Variants in TEKT3 observed in about 807,000 individuals in gnomAD.
TEKT3 encodes tektin-3.
In TEKT3, 49 loss-of-function variants were observed where a neutral mutation model predicts 49.8. The ratio of observed to expected loss-of-function variants is 0.98; its 90% confidence interval spans 0.78 to 1.25. The LOEUF is 1.25. Among genes scored for constraint, TEKT3 ranks in the 50% most tolerant of loss-of-function variants. TEKT3 has a pLI of 0.00. For missense variants in TEKT3, 595 were observed against 629.5 expected, an observed-to-expected ratio of 0.95 and a Z score of 0.59; for synonymous variants, 225 against 237.2, an observed-to-expected ratio of 0.95 and a Z score of 0.47.
intron 6 of TEKT3, among the ~76,000 whole-genome samples, chr17:15,312,972 G>T (rs1910835546): frequency 1.3e-5 from 2 of 152,192 alleles, no homozygotes; most frequent in Admixed American, 1.3e-4. Context: ...TTCCTGGAGG[G>T]TAAAGAGGCA....
At chr17:15,326,509 G>A (rs1402501637) in intron 4 of TEKT3, among the ~76,000 whole-genome samples, 1 of 152,144 alleles carries the variant, frequency 6.6e-6, no homozygotes, top group Non-Finnish European at 1.5e-5. Context: ...GGGAAGGAAA[G>A]GTGCTTTGGA....
chr17:15,319,159 G>C lies in TEKT3; in HGVS notation c.664-12C>G. 6.3e-7 allele frequency: 1 copy of C among 1,579,080 alleles called. No homozygotes were observed. Among genetic ancestry groups the C allele is most frequent in the Non-Finnish European group, 8.6e-7 (1 of 1,163,368 alleles). On this transcript the variant is annotated splice_polypyrimidine_tract_variant and intron_variant, in intron 4 of 8. Coordinates refer to ENST00000395930, the MANE Select transcript of TEKT3 (RefSeq NM_031898.3). ...ATAGTATCAACTTCCTACTCAATTG[G>C]AAAAAAAACATATTAATGTTTTCAT...
At position 15,308,650 on chromosome 17, in the gene TEKT3, C is replaced by G. The variant is rs199583716; in HGVS notation, c.1256+14G>C. Reference sequence around the variant, plus strand: ...CCCTCCGAGCGAGCCCCGAGCCTTCCCCTCCCACCTTACCGTAGCTGAGCC... The same window carrying G: ...CCCTCCGAGCGAGCCCCGAGCCTTCGCCTCCCACCTTACCGTAGCTGAGCC... On this transcript the variant is annotated intron_variant, in intron 8 of 8. Coordinates refer to ENST00000395930, the MANE Select transcript of TEKT3 (RefSeq NM_031898.3). The G allele has an allele frequency of 1.1e-5, 17 of 1,596,564 alleles. No individual in the cohort carries two copies. In the East Asian group the frequency reaches 3.4e-4, roughly 32 times the overall value.
At chr17:15,329,841 C>A (rs1244289581) in intron 3 of TEKT3, among the ~76,000 whole-genome samples, 1 of 152,194 alleles carries the variant, frequency 6.6e-6, no homozygotes, top group African/African-American at 2.4e-5. Context: ...GGGAATAAGT[C>A]ATGCAAACAT....
intron 4 of TEKT3, among the ~76,000 whole-genome samples, chr17:15,323,915 T>A (rs1911373154): frequency 6.6e-6 from 1 of 152,232 alleles, no homozygotes; most frequent in Non-Finnish European, 1.5e-5. Flanking sequence ...TTCTTGTTTT[T>A]AAGAAACAGC....
intron 4 of TEKT3, 167 bp downstream of exon 4, chr17:15,327,825 A>C (rs144880619): frequency 1.1e-5 from 6 of 522,336 alleles, no homozygotes; most frequent in Non-Finnish European, 2.1e-5. Flanking sequence ...CTCATTGAAT[A>C]TATGTTATAA....
rs1282434858 is a variant in TEKT3, at chr17:15,314,202, C to T, written c.763G>A (p.Glu255Lys). 2.5e-6 allele frequency: 4 copies of T among 1,614,110 alleles called. No individual in the cohort carries two copies. In the African/African-American group the frequency reaches 5.3e-5, roughly 22 times the overall value. ...GTCTGTTTGTCACTCAGGTCCTTTT[C>T]CAGCTCATGCTGGGACGCTCTGTTG... ...AANRASQHEL[E>K]KDLSDKQTAY... The change falls in exon 6 of 9, where the codon GAA becomes AAA. Residue 255 changes from glutamate (E) to lysine (K), a missense_variant. Physicochemically the swap from Glu to Lys is moderately conservative, Grantham distance 56. Coordinates refer to ENST00000395930, the MANE Select transcript of TEKT3 (RefSeq NM_031898.3).
chr17:15,339,392 C>CTT (rs2150756883), intron 2 of TEKT3, among the ~76,000 whole-genome samples: 1 of 152,294 alleles, frequency 6.6e-6, no homozygotes, highest in Admixed American at 6.5e-5. Flanking sequence ...AGAAATGAGA[C>CTT]ATGGGCTACA....
In TEKT3 at chr17:15,313,907, A is replaced by G. The variant is rs188430798; in HGVS notation, c.878+180T>C. On this transcript the variant is annotated intron_variant, in intron 6 of 8. Transcript: ENST00000395930. ...ACTTTACAAAAGAATTCAGGATGCA[A>G]TTATCAAGGTCTGACCACAGAACGT... Among the ~76,000 whole-genome samples the G allele has an allele frequency of 3.2e-3, 491 of 152,326 alleles. 4 individuals carry two copies. The highest frequency in any genetic ancestry group is 3.7e-3 in the Admixed American group (57 of 15,312).
rs766933328 is a variant in TEKT3 at position 15,331,038 on chromosome 17, CG to C, written c.547del (p.Arg183GlyfsTer3). 9.9e-5 allele frequency: 159 copies of C among 1,613,326 alleles called. No individual in the cohort carries two copies. In the East Asian group the frequency reaches 3.4e-3, roughly 34 times the overall value. On this transcript the variant is annotated frameshift_variant, in exon 3 of 9. Coordinates refer to ENST00000395930, the MANE Select transcript of TEKT3 (RefSeq NM_031898.3). LOFTEE classifies it high-confidence loss of function. ...AGGGGCTTCAGTCTCCATCAAAGCC[CG>C]CTCCAGTCTTTTCTTCACATCAGTA... Reference protein sequence around the residue: ...ALTDVKKRLERALMETEAPLQ... With the variant: ...ALTDVKKRLEXALMETEAPLQ...
At chr17:15,309,092 G>T (rs978512098) in intron 7 of TEKT3, among the ~76,000 whole-genome samples, 4 of 152,168 alleles carry the variant, frequency 2.6e-5, no homozygotes, top group Non-Finnish European at 4.4e-5. Flanking sequence ...AAATCAGCCA[G>T]GGTGGGAGTA....
intron 8 of TEKT3, 86 bp downstream of exon 8, chr17:15,308,578 C>A: frequency 6.6e-7 from 1 of 1,526,108 alleles, no homozygotes; most frequent in African/African-American, 1.4e-5. Flanking sequence ...TGCGTATGGG[C>A]AGAAAGCAGC....
intron 1 of TEKT3, 106 bp from the exon 2 acceptor site, chr17:15,340,167 A>G (rs544624716): frequency 6.6e-6 from 1 of 152,306 alleles, no homozygotes; most frequent in Non-Finnish European, 1.5e-5. Flanking sequence ...TGCATACATA[A>G]TATGTGGTAA....
intron 6 of TEKT3, among the ~76,000 whole-genome samples, chr17:15,313,163 G>C (rs1278677083): frequency 4.6e-5 from 7 of 152,148 alleles, no homozygotes; most frequent in African/African-American, 1.7e-4. Context: ...AAAACAAAAA[G>C]GTTGATTATG....
chr17:15,341,130 T>A (rs554377764), intron 1 of TEKT3, among the ~76,000 whole-genome samples: 1 of 152,136 alleles, frequency 6.6e-6, no homozygotes, highest in Non-Finnish European at 1.5e-5. Context: ...GGCTCGGCTA[T>A]TGAAGCAGAG....
chr17:15,325,271 AT>A (rs1911444181), intron 4 of TEKT3, among the ~76,000 whole-genome samples: 1 of 152,076 alleles, frequency 6.6e-6, no homozygotes. Flanking sequence ...CAGCTCACCA[AT>A]TTTTACAAAG....
upstream of TEKT3, among the ~76,000 whole-genome samples, chr17:15,342,730 A>C (rs374753905): frequency 4.6e-5 from 7 of 152,194 alleles, no homozygotes; most frequent in East Asian, 7.7e-4. Context: ...CTAACTGTGG[A>C]GATGAGCCCA....
rs538809875 is a variant in TEKT3 at position 15,319,206 on chromosome 17, T to C, written c.664-59A>G. 9.4e-5 allele frequency: 129 copies of C among 1,367,460 alleles called. No individual in the cohort carries two copies. In the African/African-American group the frequency reaches 2.2e-3, roughly 23 times the overall value. 84.7% of individuals were successfully genotyped at this position (1,367,460 alleles called of 1,614,324 possible). The stretch of plus-strand genomic sequence containing the variant: ...TCATTATTGAATATAACACTCAAAA[T>C]CAACAATGTAACAAACATCAATGAA... On this transcript the variant is annotated intron_variant, in intron 4 of 8. Coordinates refer to ENST00000395930, the MANE Select transcript of TEKT3 (RefSeq NM_031898.3).
chr17:15,322,715 C>A (rs1283080535), intron 4 of TEKT3, among the ~76,000 whole-genome samples: 2 of 152,200 alleles, frequency 1.3e-5, no homozygotes, highest in Admixed American at 6.5e-5. Flanking sequence ...AGTGGGTAAA[C>A]CTCCTGTCTA....
Sources: gnomAD v4.1 joint callset for allele counts (sites outside exome capture counted in the v4.1 genomes callset) on GRCh38, gnomAD v4.1.1 for gene constraint, MANE v1.5 for transcripts, NCBI Gene and HGNC (gene_info 2026-07-23, HGNC 2026-07-21) for gene names.